TLR6: variants seen among roughly 807,000 people sequenced by gnomAD.
TLR6 encodes toll like receptor 6.
In TLR6, 9 loss-of-function variants were observed where a neutral mutation model predicts 16.1. The ratio of observed to expected loss-of-function variants is 0.56; its 90% confidence interval spans 0.34 to 0.98. The LOEUF (loss-of-function observed/expected upper bound fraction) is 0.98. TLR6 is among the 50% of genes least tolerant of loss of function. TLR6 has a pLI of 0.02. For synonymous variants in TLR6, 340 were observed against 338.6 expected (o/e 1.00, Z -0.04); for missense variants, 786 against 921.0 (o/e 0.85, Z 1.90).
In TLR6 at chr4:38,839,891, G is replaced by A. The variant is rs560947349; in HGVS notation, c.-64-10354C>T. On this transcript the variant is annotated intron_variant, in intron 1 of 1. Coordinates refer to ENST00000436693, the Ensembl canonical transcript of TLR6. The stretch of plus-strand genomic sequence containing the variant: ...CCTGAGAAACCTCCGATGGGCACTC[G>A]ACAGTGGTGCCAGTGCTGAGCTAGA... Among the ~76,000 whole-genome samples, 297 of 152,338 alleles carry A rather than the reference G, an allele frequency of 1.9e-3. 13 individuals carry two copies. In the South Asian group the frequency reaches 0.059, roughly 30 times the overall value.
rs146925384 is a variant in TLR6 at position 38,834,615 on chromosome 4, A to T, written c.-64-5078T>A. The stretch of plus-strand genomic sequence containing the variant: ...TCACAGTCAAACTCTCAAAAGTTGA[A>T]GACTAAGACAGAATCCTAAAAACAG... On this transcript the variant is annotated intron_variant, in intron 1 of 1. Transcript: ENST00000436693. 4.6e-5 allele frequency among the ~76,000 whole-genome samples: 7 copies of T among 152,274 alleles called. No individual in the cohort carries two copies. In the East Asian group the frequency reaches 1.3e-3, roughly 29 times the overall value.
rs759877591 is a variant in TLR6 at position 38,827,444 on chromosome 4, T to C, written c.2030A>G (p.Asn677Ser). Reference sequence around the variant, plus strand: ...CACAATGCTCTTGCCAGGGACAAAGTTTCTCTCATGAAGACAAATCTGTAT... The same window carrying C: ...CACAATGCTCTTGCCAGGGACAAAGCTTCTCTCATGAAGACAAATCTGTAT... Residue 677 changes from asparagine to serine, a missense_variant, in exon 2 of 2, where the codon AAC becomes AGC. Physicochemically the swap from Asn to Ser is conservative, Grantham distance 46. Coordinates refer to ENST00000436693, the Ensembl canonical transcript of TLR6. 2.0e-5 allele frequency: 33 copies of C among 1,614,084 alleles called. No individual in the cohort carries two copies. The highest frequency in any genetic ancestry group is 2.3e-5 in the Non-Finnish European group (27 of 1,180,044).
the TLR6 span, among the ~76,000 whole-genome samples, chr4:38,862,754 C>G: frequency 1.3e-5 from 2 of 151,606 alleles, no homozygotes; most frequent in African/African-American, 4.8e-5. Flanking sequence ...TGCCACCACG[C>G]CCAGTTAATT....
chr4:38,865,739 A>G, the TLR6 span, among the ~76,000 whole-genome samples: 7 of 152,244 alleles, frequency 4.6e-5, no homozygotes, highest in South Asian at 1.2e-3. Flanking sequence ...GCCACGTGTT[A>G]GTTAAGGTTC....
At chr4:38,827,869 A>G in exon 2 of TLR6, 1 of 1,613,948 alleles carries the variant, frequency 6.2e-7, no homozygotes, top group Non-Finnish European at 8.5e-7. Context: ...CTCTTAGCTC[A>G]CAGGTACATT....
upstream of TLR6, among the ~76,000 whole-genome samples, chr4:38,858,804 A>G (rs887244331): frequency 4.9e-5 from 6 of 122,696 alleles, no homozygotes; most frequent in East Asian, 4.9e-4. Context: ...AGAGAGAGAG[A>G]GAGAGAGAGG....
exon 2 of TLR6, chr4:38,824,987 G>C (rs947588501): frequency 3.3e-5 from 5 of 152,206 alleles, no homozygotes; most frequent in African/African-American, 4.8e-5. Flanking sequence ...AGTACAGACA[G>C]GGTTTCACCA....
At chr4:38,826,993 G>T in exon 2 of TLR6, 1 of 1,039,282 alleles carries the variant, frequency 9.6e-7, no homozygotes, top group Non-Finnish European at 1.4e-6. Flanking sequence ...TGAGGATAAT[G>T]GAGGCACCTC....
the TLR6 span, among the ~76,000 whole-genome samples, chr4:38,864,418 ATTT>A: frequency 2.0e-5 from 3 of 152,188 alleles, no homozygotes; most frequent in African/African-American, 7.2e-5. Flanking sequence ...CAGCTATTCC[ATTT>A]TTTTCCTAGA....
At chr4:38,847,587 A>C (rs1467853280) in intron 1 of TLR6, among the ~76,000 whole-genome samples, 1 of 152,190 alleles carries the variant, frequency 6.6e-6, no homozygotes, top group African/African-American at 2.4e-5. Flanking sequence ...TCCCACCCTA[A>C]TACCGTGCTT....
chr4:38,850,969 C>T (rs1712746940), intron 1 of TLR6, among the ~76,000 whole-genome samples: 1 of 152,076 alleles, frequency 6.6e-6, no homozygotes, highest in South Asian at 2.1e-4. Context: ...AACATTAATA[C>T]AAAAATCCTC....
intron 1 of TLR6, among the ~76,000 whole-genome samples, chr4:38,835,294 G>A (rs925303577): frequency 3.3e-5 from 5 of 151,722 alleles, no homozygotes; most frequent in African/African-American, 7.3e-5. Context: ...CCTTGCTAAT[G>A]GAAACCAAAA....
upstream of TLR6, among the ~76,000 whole-genome samples, chr4:38,861,623 C>A (rs12508250): frequency 1.3e-5 from 2 of 152,076 alleles, no homozygotes; most frequent in African/African-American, 4.8e-5. Context: ...AAAATACACA[C>A]CCATGCTGAC....
At chr4:38,851,610 C>T (rs1261430885) in intron 1 of TLR6, among the ~76,000 whole-genome samples, 1 of 152,084 alleles carries the variant, frequency 6.6e-6, no homozygotes, top group African/African-American at 2.4e-5. Flanking sequence ...AACAGAGAGC[C>T]AAATCATGAG....
chr4:38,851,364 A>T (rs1712764234), intron 1 of TLR6, among the ~76,000 whole-genome samples: 2 of 152,172 alleles, frequency 1.3e-5, no homozygotes, highest in African/African-American at 4.8e-5. Flanking sequence ...CATATTCAAC[A>T]TAGTGTTGGA....
At chr4:38,837,870 A>G (rs1202440843) in intron 1 of TLR6, among the ~76,000 whole-genome samples, 1 of 152,252 alleles carries the variant, frequency 6.6e-6, no homozygotes, top group East Asian at 1.9e-4. Context: ...AATAGCCACA[A>G]TATACAAAGA....
chr4:38,825,451 T>TC (rs1378615128), exon 2 of TLR6: 3 of 152,204 alleles, frequency 2.0e-5, no homozygotes, highest in African/African-American at 7.2e-5. Flanking sequence ...GAAGAGGGTA[T>TC]TACACAAAGA....
intron 1 of TLR6, among the ~76,000 whole-genome samples, chr4:38,853,728 C>T (rs1712860757): frequency 6.6e-6 from 1 of 152,244 alleles, no homozygotes. Flanking sequence ...CTCAGCCTCC[C>T]ACGGAGCTGG....
Position 38,847,479 on chromosome 4 carries a change from G to A in TLR6, c.-65+9282C>T, listed in dbSNP as rs181612462. ...GCTCAATGAGTGTGAGCCGAAGCAC[G>A]GTGAGGCATTGCCTCACCCGGGAAG... is the stretch of plus-strand genomic sequence containing the variant. On this transcript the variant is annotated intron_variant, in intron 1 of 1. Transcript: ENST00000436693. 5.2e-4 allele frequency among the ~76,000 whole-genome samples: 78 copies of A among 149,582 alleles called. 1 individual carries two copies. The highest frequency in any genetic ancestry group is 3.6e-3 in the Admixed American group (54 of 14,954).
Sources: gnomAD v4.1 joint callset for allele counts (sites outside exome capture counted in the v4.1 genomes callset) on GRCh38, gnomAD v4.1.1 for gene constraint, MANE v1.5 for transcripts, NCBI Gene and HGNC (gene_info 2026-07-23, HGNC 2026-07-21) for gene names.